The following LAMA2 variants were observed in gnomAD, a reference collection of about 807,000 sequenced individuals.
LAMA2 encodes laminin subunit alpha 2, also known as laminin subunit alpha-2.
A neutral mutation model predicts 364.8 loss-of-function variants in LAMA2; 269 were observed. The observed-to-expected ratio is 0.74, with a 90% CI of 0.67 to 0.82. LAMA2 has a LOEUF of 0.82. Ranked by LOEUF, LAMA2 falls within the 40% of genes least tolerant of loss-of-function variation. The pLI, the probability that LAMA2 is intolerant of heterozygous loss-of-function variation, is 0.00. For synonymous variants in LAMA2, 1,379 were observed against 1,370.6 expected, an observed-to-expected ratio of 1.01 and a Z score of -0.14; for missense variants, 3,807 against 3,873.2, an observed-to-expected ratio of 0.98 and a Z score of 0.45.
intron 1 of LAMA2, among the ~76,000 whole-genome samples, chr6:128,967,812 C>T (rs1274084525): frequency 6.6e-6 from 1 of 152,106 alleles, no homozygotes; most frequent in Non-Finnish European, 1.5e-5. Flanking sequence ...CTATTAATTA[C>T]ACCTCAGATT....
chr6:129,195,173 C>A (rs1435354126), intron 12 of LAMA2, among the ~76,000 whole-genome samples: 3 of 152,144 alleles, frequency 2.0e-5, no homozygotes, highest in Non-Finnish European at 2.9e-5. Flanking sequence ...TACAGACTTT[C>A]AAACATTTTC....
chr6:129,173,745 T>A (rs3798674), intron 9 of LAMA2, among the ~76,000 whole-genome samples: 1 of 152,060 alleles, frequency 6.6e-6, no homozygotes, highest in African/African-American at 2.4e-5. Context: ...GAGTGTAAGA[T>A]GTGGTCTCAT....
intron 1 of LAMA2, among the ~76,000 whole-genome samples, chr6:129,027,710 TA>T (rs1785927379): frequency 6.6e-6 from 1 of 151,786 alleles, no homozygotes; most frequent in Non-Finnish European, 1.5e-5. Context: ...AATTTAGACT[TA>T]TGGAGAATAA....
intron 1 of LAMA2, among the ~76,000 whole-genome samples, chr6:128,898,196 T>G (rs1776882499): frequency 6.6e-6 from 1 of 152,200 alleles, no homozygotes; most frequent in South Asian, 2.1e-4. Context: ...CTGGGCTTGT[T>G]GGCCACAGTT....
intron 31 of LAMA2, among the ~76,000 whole-genome samples, chr6:129,351,083 G>A (rs1379250645): frequency 2.0e-5 from 3 of 152,014 alleles, no homozygotes; most frequent in Non-Finnish European, 4.4e-5. Flanking sequence ...GTGAGCTTTG[G>A]TATTCATGGT....
intron 16 of LAMA2, among the ~76,000 whole-genome samples, chr6:129,269,339 CA>C (rs1787755374): frequency 6.7e-6 from 1 of 149,106 alleles, no homozygotes; most frequent in African/African-American, 2.5e-5. Flanking sequence ...TAAAAATAAC[CA>C]ATCCATCAGA....
chr6:129,441,342 C>T (rs1039341959), intron 43 of LAMA2, among the ~76,000 whole-genome samples: 2 of 152,142 alleles, frequency 1.3e-5, no homozygotes, highest in Admixed American at 6.6e-5. Flanking sequence ...ATCCTCAGAA[C>T]TGGCGAAGTG....
chr6:128,951,798 T>C (rs190323160), intron 1 of LAMA2, among the ~76,000 whole-genome samples: 10 of 152,318 alleles, frequency 6.6e-5, no homozygotes, highest in African/African-American at 2.4e-4. Context: ...TAAAAAAAAC[T>C]TTTCTACCCT....
At chr6:129,448,125 A>C (rs576624309) in intron 45 of LAMA2, among the ~76,000 whole-genome samples, 1 of 152,200 alleles carries the variant, frequency 6.6e-6, no homozygotes, top group East Asian at 1.9e-4. Flanking sequence ...ACATCTCTAC[A>C]AAAAATTGAA....
intron 4 of LAMA2, among the ~76,000 whole-genome samples, chr6:129,119,800 G>A (rs1051291453): frequency 3.9e-5 from 6 of 152,032 alleles, no homozygotes; most frequent in Non-Finnish European, 5.9e-5. Flanking sequence ...TGCCCACCTC[G>A]GCCTCTTAAA....
At chr6:129,172,437 T>A (rs560382175) in intron 9 of LAMA2, among the ~76,000 whole-genome samples, 20 of 152,312 alleles carry the variant, frequency 1.3e-4, no homozygotes, top group East Asian at 5.8e-4. Context: ...CCCTGCCGTG[T>A]GAGGTGTCAG....
chr6:128,955,739 C>G (rs1486468894), intron 1 of LAMA2, among the ~76,000 whole-genome samples: 1 of 151,800 alleles, frequency 6.6e-6, no homozygotes. Flanking sequence ...CTAGTAGTGT[C>G]AAATCTGAGG....
chr6:129,251,878 C>T lies in LAMA2; in HGVS notation c.1885-206C>T, dbSNP rs7767161. ...TGAACCTGGGAGGCACAGGTGGCAGCGAGCCGAGATCGCGCCGTTGCACTC... is the reference window on the plus strand; with the variant it reads ...TGAACCTGGGAGGCACAGGTGGCAGTGAGCCGAGATCGCGCCGTTGCACTC... On this transcript the variant is annotated intron_variant, in intron 13 of 64. Coordinates refer to ENST00000421865, the MANE Select transcript of LAMA2 (RefSeq NM_000426.4). Among the ~76,000 whole-genome samples the T allele has an allele frequency of 0.087, 13,212 of 151,842 alleles. 1,904 individuals are homozygous for T. The highest frequency in any genetic ancestry group is 0.3 in the African/African-American group (12,530 of 41,324).
chr6:129,011,578 C>T (rs1384172059), intron 1 of LAMA2, among the ~76,000 whole-genome samples: 1 of 152,116 alleles, frequency 6.6e-6, no homozygotes, highest in Admixed American at 6.5e-5. Flanking sequence ...GTGGCTCGTC[C>T]ATCTCTGGGT....
intron 58 of LAMA2, among the ~76,000 whole-genome samples, chr6:129,498,014 A>G (rs1462847839): frequency 6.6e-6 from 1 of 152,172 alleles, no homozygotes; most frequent in African/African-American, 2.4e-5. Flanking sequence ...CTGAACTTCA[A>G]GTATTACAGA....
intron 40 of LAMA2, among the ~76,000 whole-genome samples, chr6:129,425,680 C>G (rs1173299573): frequency 2.0e-5 from 3 of 152,014 alleles, no homozygotes; most frequent in Non-Finnish European, 4.4e-5. Flanking sequence ...TGAGAACATG[C>G]TGTATTTGAT....
intron 3 of LAMA2, among the ~76,000 whole-genome samples, chr6:129,093,035 G>A (rs1201672170): frequency 1.3e-5 from 2 of 152,084 alleles, no homozygotes; most frequent in Non-Finnish European, 2.9e-5. Flanking sequence ...GTTCCCGAGT[G>A]CAGTGGTGTG....
At chr6:129,251,066 C>A (rs1192683537) in intron 13 of LAMA2, among the ~76,000 whole-genome samples, 2 of 68,104 alleles carry the variant, frequency 2.9e-5, no homozygotes, top group African/African-American at 9.4e-5. Context: ...CTCTCTCTCT[C>A]TCTCTCTCTC....
chr6:129,062,291 A>C (rs947508851), intron 3 of LAMA2, among the ~76,000 whole-genome samples: 1 of 152,178 alleles, frequency 6.6e-6, no homozygotes, highest in East Asian at 1.9e-4. Flanking sequence ...GTGCTTTAGA[A>C]AAGTTCAGTG....
Sources: allele counts gnomAD v4.1 joint callset (sites outside exome capture counted in the v4.1 genomes callset), GRCh38; gene constraint gnomAD v4.1.1; transcripts MANE v1.5; gene names NCBI Gene and HGNC (gene_info 2026-07-23, HGNC 2026-07-21).